Variants in SLCO1A2 observed in about 807,000 individuals in gnomAD.
The protein encoded by SLCO1A2 is OATP-1.
SLCO1A2 carries 67 observed loss-of-function variants against 69.0 expected under a neutral mutation model. The observed-to-expected ratio is 0.97, with a 90% CI of 0.80 to 1.19. The LOEUF is 1.19. Among genes scored for constraint, SLCO1A2 ranks in the 50% most tolerant of loss-of-function variants. The probability of loss-of-function intolerance (pLI) is 0.00; values close to 1 mark genes in which losing one functional copy is unlikely to be tolerated. For synonymous variants in SLCO1A2, 260 were observed against 265.9 expected (o/e 0.98, Z 0.22); for missense variants, 787 against 793.7 (o/e 0.99, Z 0.10).
At chr12:21,281,224 G>A (rs1223549936) in intron 12 of SLCO1A2, among the ~76,000 whole-genome samples, 1 of 152,092 alleles carries the variant, frequency 6.6e-6, no homozygotes, top group Non-Finnish European at 1.5e-5. Flanking sequence ...GGCTGAGGTG[G>A]GTGGATCACA....
intron 2 of SLCO1A2, among the ~76,000 whole-genome samples, chr12:21,360,885 T>C (rs1938803110): frequency 6.6e-6 from 1 of 152,020 alleles, no homozygotes; most frequent in Non-Finnish European, 1.5e-5. Context: ...ACAAAGCAGC[T>C]AGGAACTCGA....
intron 1 of SLCO1A2, among the ~76,000 whole-genome samples, chr12:21,415,079 G>A (rs182409678): frequency 9.9e-5 from 15 of 151,828 alleles, no homozygotes; most frequent in South Asian, 2.1e-4. Context: ...TTATCAAACC[G>A]TATCTTTTAA....
intron 2 of SLCO1A2, among the ~76,000 whole-genome samples, chr12:21,345,248 T>G (rs756801200): frequency 6.6e-6 from 1 of 151,986 alleles, no homozygotes; most frequent in Non-Finnish European, 1.5e-5. Flanking sequence ...AAATAAGGGC[T>G]AAATACATGT....
intron 2 of SLCO1A2, among the ~76,000 whole-genome samples, chr12:21,345,176 AT>A (rs1433209613): frequency 6.6e-6 from 1 of 151,672 alleles, no homozygotes; most frequent in Non-Finnish European, 1.5e-5. Context: ...AAAATTGCAG[AT>A]TTTTTTTACA....
intron 4 of SLCO1A2, among the ~76,000 whole-genome samples, chr12:21,307,250 T>C (rs1298089867): frequency 1.3e-5 from 2 of 152,228 alleles, no homozygotes; most frequent in East Asian, 3.8e-4. Flanking sequence ...AAATATCAAC[T>C]TTCTTTGATT....
At chr12:21,300,953 T>C (rs1213994842) in intron 7 of SLCO1A2, among the ~76,000 whole-genome samples, 1 of 152,218 alleles carries the variant, frequency 6.6e-6, no homozygotes, top group Non-Finnish European at 1.5e-5. Flanking sequence ...AGAAATAGCA[T>C]GTGATTCTGT....
intron 4 of SLCO1A2, among the ~76,000 whole-genome samples, chr12:21,307,263 T>C (rs1303035463): frequency 6.6e-6 from 1 of 152,242 alleles, no homozygotes; most frequent in Non-Finnish European, 1.5e-5. Flanking sequence ...CTTTGATTTT[T>C]AGGTTATCAT....
upstream of SLCO1A2, among the ~76,000 whole-genome samples, chr12:21,398,833 G>C (rs11524011): frequency 0.4 from 55,025 of 139,108 alleles, 9,029 homozygotes; most frequent in Middle Eastern, 0.45. Context: ...AACCCTTCAT[G>C]CTAAAAACTC....
intron 12 of SLCO1A2, among the ~76,000 whole-genome samples, chr12:21,281,156 TAAAC>T (rs1275321767): frequency 6.6e-6 from 1 of 152,002 alleles, no homozygotes; most frequent in South Asian, 2.1e-4. Context: ...AAACTTCAAA[TAAAC>T]AACCCAATGG....
At chr12:21,400,419 AC>A (rs1415108297), upstream of SLCO1A2, among the ~76,000 whole-genome samples, 1 of 151,526 alleles carries the variant, frequency 6.6e-6, no homozygotes, top group Non-Finnish European at 1.5e-5. Flanking sequence ...ACACTTTTAC[AC>A]TGTTGGTGGG....
intron 1 of SLCO1A2, among the ~76,000 whole-genome samples, chr12:21,401,270 A>C (rs143067674): frequency 2.0e-5 from 3 of 152,044 alleles, no homozygotes; most frequent in African/African-American, 7.2e-5. Flanking sequence ...ATACAGCAAC[A>C]TGATACAAAA....
Position 21,413,237 on chromosome 12 carries a change from C to CTTTTTTTTTTTTTTT in SLCO1A2, c.-312+4630_-312+4644dup, listed in dbSNP as rs3983534. Among the ~76,000 whole-genome samples the CTTTTTTTTTTTTTTT allele has an allele frequency of 4.0e-4, 40 of 99,426 alleles. 1 individual carries two copies. Among genetic ancestry groups the CTTTTTTTTTTTTTTT allele is most frequent in the African/African-American group, 8.8e-4 (22 of 25,036 alleles). 65.2% of individuals were successfully genotyped at this position (99,426 alleles called of 152,430 possible). ...ACTTTCTTCTTTTCTTTTTCTTTTT[C>CTTTTTTTTTTTTTTT]TTTTTTTTTTTTTTTTTTTGAGAAG... is the stretch of plus-strand genomic sequence containing the variant. On this transcript the variant is annotated intron_variant, in intron 1 of 4. Transcript: ENST00000413682.
At chr12:21,363,413 T>C (rs897140843) in intron 2 of SLCO1A2, among the ~76,000 whole-genome samples, 1 of 152,154 alleles carries the variant, frequency 6.6e-6, no homozygotes, top group African/African-American at 2.4e-5. Flanking sequence ...GAGGGAAATT[T>C]ATAGCACTAA....
chr12:21,373,130 T>C (rs1208097110), intron 2 of SLCO1A2: 2 of 576,846 alleles, frequency 3.5e-6, no homozygotes, highest in East Asian at 5.9e-5. Context: ...ATGTTCAGAT[T>C]GCTTAGAGAA....
chr12:21,328,424 G>A (rs892899446), intron 2 of SLCO1A2, among the ~76,000 whole-genome samples: 15 of 152,124 alleles, frequency 9.9e-5, no homozygotes, highest in African/African-American at 2.9e-4. Flanking sequence ...AGGGGAGGGA[G>A]TCACCTAGTG....
At chr12:21,274,369 T>C (rs1241702759) in intron 14 of SLCO1A2, 100 bp downstream of exon 14, 2 of 686,816 alleles carry the variant, frequency 2.9e-6, no homozygotes, top group East Asian at 2.6e-5. Context: ...ACCACAAAAG[T>C]ATTCTTTTCA....
chr12:21,385,239 T>C (rs754979216), intron 1 of SLCO1A2, among the ~76,000 whole-genome samples: 1 of 152,236 alleles, frequency 6.6e-6, no homozygotes, highest in Non-Finnish European at 1.5e-5. Flanking sequence ...AACTCTCTTC[T>C]GGTTTCTGAT....
intron 2 of SLCO1A2, among the ~76,000 whole-genome samples, chr12:21,353,824 G>C (rs1023776438): frequency 6.6e-6 from 1 of 152,160 alleles, no homozygotes; most frequent in Non-Finnish European, 1.5e-5. Flanking sequence ...ACAGCTATTT[G>C]CCAGTGAAAA....
intron 2 of SLCO1A2, among the ~76,000 whole-genome samples, chr12:21,366,289 T>C (rs140140315): frequency 2.3e-4 from 34 of 149,646 alleles, no homozygotes; most frequent in African/African-American, 6.4e-4. Flanking sequence ...CTGAGCAAAG[T>C]ATCACAAGGA....
Sources: allele counts gnomAD v4.1 joint callset (sites outside exome capture counted in the v4.1 genomes callset), GRCh38; gene constraint gnomAD v4.1.1; transcripts MANE v1.5; gene names NCBI Gene and HGNC (gene_info 2026-07-23, HGNC 2026-07-21).